FGD4: variants seen among roughly 807,000 people sequenced by gnomAD.
FGD4 encodes the protein FYVE, RhoGEF and PH domain-containing protein 4.
In FGD4, 42 loss-of-function variants were observed where a neutral mutation model predicts 102.0. That is an observed-to-expected ratio of 0.41 (90% CI 0.32 to 0.53). The LOEUF is 0.53. FGD4 is among the 20% of genes least tolerant of loss of function. FGD4 has a pLI of 0.21. For synonymous variants in FGD4, 380 were observed against 375.7 expected, an observed-to-expected ratio of 1.01 and a Z score of -0.13; for missense variants, 902 against 1,078.2, an observed-to-expected ratio of 0.84 and a Z score of 2.29.
chr12:32,474,100 C>A (rs1187855427), intron 1 of FGD4, among the ~76,000 whole-genome samples: 24 of 148,800 alleles, frequency 1.6e-4, no homozygotes, highest in African/African-American at 3.9e-4. Context: ...AAAAAAAAAA[C>A]AAAAAGTATT....
rs1295184894 is a variant in FGD4 at position 32,589,129 on chromosome 12, T to C, written c.1011+6662T>C. ...GTAACATTATGAGGTATAGATCATG[T>C]ACTAGTTGTAAAGTACTTTAGAACA... is the stretch of plus-strand genomic sequence containing the variant. On this transcript the variant is annotated intron_variant, in intron 4 of 16. Coordinates refer to ENST00000534526, the MANE Select transcript of FGD4 (RefSeq NM_001370298.3). Among the ~76,000 whole-genome samples the C allele has an allele frequency of 7.2e-5, 11 of 152,234 alleles. No individual in the cohort carries two copies. The East Asian group carries it at 1.5e-3, about 21-fold the overall frequency.
In FGD4 at chr12:32,628,339, C is replaced by G. The variant is rs181915607; in HGVS notation, c.2172+2560C>G. Among the ~76,000 whole-genome samples, 235 of 151,852 alleles carry G rather than the reference C, an allele frequency of 1.5e-3. 1 individual carries two copies. Among genetic ancestry groups the G allele is most frequent in the African/African-American group, 5.4e-3 (222 of 41,386 alleles). On this transcript the variant is annotated intron_variant, in intron 14 of 16. Transcript: ENST00000534526. ...GGGAATACAAGCCTCAATTCTCAGC[C>G]CTGAGGTCTCAGAGGTGACAGAAGG...
intron 2 of FGD4, chr12:32,574,931 TA>T (rs1401164389): frequency 6.6e-6 from 1 of 152,202 alleles, no homozygotes; most frequent in African/African-American, 2.4e-5. Context: ...ACTGCTTATT[TA>T]AAAATACTAC....
At chr12:32,601,572 C>A (rs1351612247) in intron 6 of FGD4, 149 bp downstream of exon 6, 2 of 940,512 alleles carry the variant, frequency 2.1e-6, no homozygotes, top group South Asian at 1.8e-5. Context: ...AGTTGTGGTA[C>A]AAAGGACTTC....
chr12:32,436,259 AG>A (rs1942224931), intron 1 of FGD4, among the ~76,000 whole-genome samples: 3 of 152,232 alleles, frequency 2.0e-5, no homozygotes, highest in Non-Finnish European at 4.4e-5. Flanking sequence ...AATAAATAAA[AG>A]TTTAAAACTT....
intron 1 of FGD4, among the ~76,000 whole-genome samples, chr12:32,482,703 A>C (rs982160625): frequency 2.0e-5 from 3 of 152,180 alleles, no homozygotes; most frequent in African/African-American, 7.2e-5. Flanking sequence ...AGGCATAAAA[A>C]TTTTTAAGTT....
At chr12:32,612,980 C>T (rs1949239842) in intron 10 of FGD4, among the ~76,000 whole-genome samples, 1 of 152,018 alleles carries the variant, frequency 6.6e-6, no homozygotes, top group Non-Finnish European at 1.5e-5. Flanking sequence ...ATTTCAATTC[C>T]TTTCTATATC....
intron 1 of FGD4, among the ~76,000 whole-genome samples, chr12:32,542,707 ATTTC>A (rs1326588034): frequency 6.6e-6 from 1 of 152,170 alleles, no homozygotes; most frequent in African/African-American, 2.4e-5. Flanking sequence ...ATCTGCTTTT[ATTTC>A]TTTCACACTT....
chr12:32,605,963 A>G (rs1246616779), intron 7 of FGD4, among the ~76,000 whole-genome samples: 2 of 152,208 alleles, frequency 1.3e-5, no homozygotes. Flanking sequence ...TCTTCTCTAT[A>G]TTATGATGAA....
chr12:32,551,337 T>C (rs958343576), intron 1 of FGD4, among the ~76,000 whole-genome samples: 5 of 152,236 alleles, frequency 3.3e-5, no homozygotes, highest in African/African-American at 1.2e-4. Flanking sequence ...TAATTTCAAA[T>C]AGTTATAACT....
intron 1 of FGD4, among the ~76,000 whole-genome samples, chr12:32,413,627 G>T (rs1278985799): frequency 6.6e-6 from 1 of 152,178 alleles, no homozygotes; most frequent in African/African-American, 2.4e-5. Context: ...GAGCTTGTGT[G>T]TACTGGCTTA....
chr12:32,634,547 C>T (rs1313573006), intron 15 of FGD4, among the ~76,000 whole-genome samples: 1 of 152,016 alleles, frequency 6.6e-6, no homozygotes, highest in Non-Finnish European at 1.5e-5. Context: ...ATGAGTTTTA[C>T]ATCTAGAGAT....
At chr12:32,505,725 C>CTG (rs1294685927) in intron 1 of FGD4, among the ~76,000 whole-genome samples, 1 of 152,168 alleles carries the variant, frequency 6.6e-6, no homozygotes, top group Non-Finnish European at 1.5e-5. Flanking sequence ...AACCACGGCT[C>CTG]TGTACGGCTA....
rs187361845 is a variant in FGD4, at chr12:32,627,138, C to T, written c.2172+1359C>T. Reference sequence around the variant, plus strand: ...GCTGGGTTACAGGCGTGAGCCACCACGTCCGGCTAAATACATTTTTTTTCT... The same window carrying T: ...GCTGGGTTACAGGCGTGAGCCACCATGTCCGGCTAAATACATTTTTTTTCT... On this transcript the variant is annotated intron_variant, in intron 14 of 16. Coordinates refer to ENST00000534526, the MANE Select transcript of FGD4 (RefSeq NM_001370298.3). Among the ~76,000 whole-genome samples the T allele has an allele frequency of 1.1e-3, 161 of 148,990 alleles. 4 individuals carry two copies. The South Asian group carries it at 0.028, about 26-fold the overall frequency.
intron 1 of FGD4, among the ~76,000 whole-genome samples, chr12:32,514,956 A>G (rs185509259): frequency 4.1e-4 from 63 of 152,198 alleles, no homozygotes; most frequent in Admixed American, 3.9e-4. Context: ...GACTCAAGCT[A>G]TCTGCCTGCC....
At chr12:32,582,882 A>T (rs1309325183) in intron 4 of FGD4, 1 of 173,730 alleles carries the variant, frequency 5.8e-6, no homozygotes, top group Non-Finnish European at 1.2e-5. Flanking sequence ...GGCCTGTAAG[A>T]TGAACTTGCC....
At chr12:32,584,940 CG>C (rs1555210407) in intron 4 of FGD4, among the ~76,000 whole-genome samples, 2 of 151,854 alleles carry the variant, frequency 1.3e-5, no homozygotes, top group South Asian at 2.1e-4. Context: ...GGAGAGCAGC[CG>C]GGTGCGGTGG....
At chr12:32,580,742 C>T (rs1452561264) in intron 3 of FGD4, among the ~76,000 whole-genome samples, 1 of 152,030 alleles carries the variant, frequency 6.6e-6, no homozygotes, top group Non-Finnish European at 1.5e-5. Flanking sequence ...AAAAAATTAG[C>T]CGGGCGTGGT....
At chr12:32,622,029 A>T (rs925137553) in intron 11 of FGD4, among the ~76,000 whole-genome samples, 1 of 152,092 alleles carries the variant, frequency 6.6e-6, no homozygotes. Context: ...CTGGGACTAT[A>T]GGTGCCTGCC....
Sources: allele counts gnomAD v4.1 joint callset (sites outside exome capture counted in the v4.1 genomes callset), GRCh38; gene constraint gnomAD v4.1.1; transcripts MANE v1.5; gene names NCBI Gene and HGNC (gene_info 2026-07-23, HGNC 2026-07-21).